CFAP100: variants seen among roughly 807,000 people sequenced by gnomAD.
CFAP100 encodes the protein cilia and flagella associated protein 100, also known as cilia- and flagella-associated protein 100.
A neutral mutation model predicts 81.5 loss-of-function variants in CFAP100; 70 were observed. The ratio of observed to expected loss-of-function variants is 0.86; its 90% CI spans 0.71 to 1.05. CFAP100 has a LOEUF of 1.05. Ranked by LOEUF, CFAP100 falls within the 50% of genes least tolerant of loss-of-function variation. The pLI is 0.00. For synonymous variants in CFAP100, 341 were observed against 314.8 expected (o/e 1.08, Z -0.88); for missense variants, 811 against 776.5 (o/e 1.04, Z -0.53).
intron 2 of CFAP100, among the ~76,000 whole-genome samples, chr3:126,400,357 AAAAAATACAAAC>A (rs2082953940): frequency 6.6e-6 from 1 of 152,204 alleles, no homozygotes; most frequent in Non-Finnish European, 1.5e-5. Flanking sequence ...GGCTACTATC[AAAAAATACAAAC>A]AAAAATAACA....
intron 2 of CFAP100, 84 bp from the exon 3 acceptor site, chr3:126,407,088 G>C: frequency 1.1e-6 from 1 of 905,718 alleles, no homozygotes; most frequent in Non-Finnish European, 1.8e-6. Context: ...GTGTGTCTGA[G>C]ACATTCCCCG....
intron 16 of CFAP100, among the ~76,000 whole-genome samples, chr3:126,436,026 C>T (rs1366363492): frequency 6.6e-6 from 1 of 152,222 alleles, no homozygotes; most frequent in Non-Finnish European, 1.5e-5. Flanking sequence ...CCCACCCTTC[C>T]TGCCTTCTGA....
At chr3:126,432,964 A>C in intron 13 of CFAP100, 105 bp from the exon 14 acceptor site, 1 of 1,357,798 alleles carries the variant, frequency 7.4e-7, no homozygotes, top group Non-Finnish European at 1.0e-6. Context: ...TTCAGCCCTC[A>C]GGACAGCTGG....
intron 15 of CFAP100, 42 bp downstream of exon 15, chr3:126,434,423 G>A (rs1263226742): frequency 6.3e-7 from 1 of 1,582,002 alleles, no homozygotes; most frequent in African/African-American, 1.3e-5. Context: ...TGTCCTGGCT[G>A]GCCCTGAGGG....
chr3:126,430,015 T>A (rs1322501889), intron 13 of CFAP100, among the ~76,000 whole-genome samples: 1 of 152,234 alleles, frequency 6.6e-6, no homozygotes, highest in African/African-American at 2.4e-5. Flanking sequence ...AGATTTCTGG[T>A]GAGAAATATA....
intron 4 of CFAP100, among the ~76,000 whole-genome samples, chr3:126,415,414 T>G (rs982418462): frequency 7.8e-6 from 1 of 128,996 alleles, no homozygotes; most frequent in African/African-American, 2.9e-5. Flanking sequence ...CATCCACCAC[T>G]CACAACCTCC....
intron 11 of CFAP100, among the ~76,000 whole-genome samples, chr3:126,421,567 C>T (rs1275621077): frequency 3.9e-5 from 6 of 152,128 alleles, no homozygotes; most frequent in Non-Finnish European, 4.4e-5. Flanking sequence ...CATCCCTGCC[C>T]GGGCCCTGTG....
chr3:126,407,273 C>A (rs1200161217), intron 3 of CFAP100, 21 bp downstream of exon 3: 4 of 1,594,178 alleles, frequency 2.5e-6, no homozygotes, highest in African/African-American at 2.7e-5. Flanking sequence ...AGCTGGGAGG[C>A]TAAAGTCCAA....
rs755426846 is a variant in CFAP100 at position 126,423,368 on chromosome 3, G to C, written c.1126G>C (p.Asp376His). 1.2e-6 allele frequency: 2 copies of C among 1,613,650 alleles called. No homozygotes were observed. The highest frequency in any genetic ancestry group is 8.5e-7 in the Non-Finnish European group (1 of 1,179,844). Reference sequence around the variant, plus strand: ...CCCCACGCAGGAGGACACCGACAGCGATGGGGAGGTGAATGGCCCAGTGCT... The same window carrying C: ...CCCCACGCAGGAGGACACCGACAGCCATGGGGAGGTGAATGGCCCAGTGCT... ...IPPTQEDTDS[D>H]GEEPQLYFTE... Residue 376 changes from aspartate (D) to histidine (H), a missense_variant, in exon 12 of 17, where the codon GAT (aspartate) becomes CAT (histidine). By Grantham distance (81) the Asp-to-His change is moderately conservative (BLOSUM62 -1). Transcript: ENST00000352312.
chr3:126,427,097 C>T (rs755089721), intron 13 of CFAP100, among the ~76,000 whole-genome samples: 1 of 152,190 alleles, frequency 6.6e-6, no homozygotes, highest in Non-Finnish European at 1.5e-5. Context: ...TCTATAACTT[C>T]AATGCAATCC....
Position 126,416,339 on chromosome 3 carries a change from G to A in CFAP100, c.249G>A (p.Met83Ile). 1 of 1,600,880 alleles carries A rather than the reference G, an allele frequency of 6.2e-7. No individual in the cohort carries two copies. Among genetic ancestry groups the A allele is most frequent in the Non-Finnish European group, 8.5e-7 (1 of 1,172,006 alleles). The change falls in exon 5 of 17, where the codon ATG becomes ATA. Residue 83 changes from methionine (M) to isoleucine (I), a missense_variant. Met to Ile is a conservative substitution (Grantham distance 10, BLOSUM62 1). Coordinates refer to ENST00000352312, the MANE Select transcript of CFAP100 (RefSeq NM_182628.3). The stretch of plus-strand genomic sequence containing the variant: ...AGGAACGGCAGCAGCAGAAGACGAT[G>A]CGGGTGCACCAGAAGATGACCTACT... ...ALSERQQQKT[M>I]RVHQKMTYSS...
Position 126,419,777 on chromosome 3 carries a change from C to A in CFAP100, c.872C>A (p.Ala291Asp). The A allele has an allele frequency of 6.2e-7, 1 of 1,614,006 alleles. No homozygotes were observed. Among genetic ancestry groups the A allele is most frequent in the Non-Finnish European group, 8.5e-7 (1 of 1,180,044 alleles). ...AAAAAGGCCAAGGAGGTCTCCGAGG[C>A]TTCCAAAGAGAGCAGTGTTAACTCC... ...FLKKAKEVSE[A>D]SKESSVNSTP... The change falls in exon 9 of 17, where the codon GCT (alanine) becomes GAT (aspartate). Residue 291 changes from alanine to aspartate, a missense_variant. Transcript: ENST00000352312.
chr3:126,432,828 T>G (rs1430180602), intron 13 of CFAP100: 2 of 388,150 alleles, frequency 5.2e-6, no homozygotes, highest in Admixed American at 4.2e-5. Context: ...TTATTGTCTG[T>G]GAATTATGCC....
chr3:126,423,362 G>T lies in CFAP100; in HGVS notation c.1120G>T (p.Asp374Tyr). 6.2e-7 allele frequency: 1 copy of T among 1,613,604 alleles called. No homozygotes were observed. The highest frequency in any genetic ancestry group is 8.5e-7 in the Non-Finnish European group (1 of 1,179,848). ...CATCCCCCCCACGCAGGAGGACACC[G>T]ACAGCGATGGGGAGGTGAATGGCCC... The part of the protein sequence containing the change: ...SPIPPTQEDT[D>Y]SDGEEPQLYF... The change falls in exon 12 of 17, where the codon GAC becomes TAC. Residue 374 changes from aspartate to tyrosine, a missense_variant. Physicochemically the swap from Asp to Tyr is radical, Grantham distance 160. Coordinates refer to ENST00000352312, the MANE Select transcript of CFAP100 (RefSeq NM_182628.3).
intron 10 of CFAP100, 39 bp downstream of exon 10, chr3:126,420,060 T>C (rs1234510556): frequency 6.2e-7 from 1 of 1,613,294 alleles, no homozygotes; most frequent in South Asian, 1.1e-5. Context: ...AGCCTGGCTC[T>C]GCCCTGCACA....
Position 126,435,624 on chromosome 3 carries a change from C to G in CFAP100, c.1694C>G (p.Ala565Gly), listed in dbSNP as rs373742550. The G allele has an allele frequency of 6.2e-6, 10 of 1,611,574 alleles. No homozygotes were observed. In the Admixed American group the frequency reaches 8.3e-5, roughly 13 times the overall value. The stretch of plus-strand genomic sequence containing the variant: ...GAGGAGCATCTGCAGCGGGCCCGGG[C>G]GCGCGCCCAGGCTGAGATCAAGAAG... Reference protein sequence around the residue: ...LQEEHLQRARARAQAEIKKKR... With the variant: ...LQEEHLQRARGRAQAEIKKKR... Residue 565 changes from alanine to glycine, a missense_variant, in exon 16 of 17, where the codon GCG becomes GGG. Physicochemically the swap from Ala to Gly is moderately conservative, Grantham distance 60. Transcript: ENST00000352312.
chr3:126,419,094 A>G lies in CFAP100; in HGVS notation c.669A>G (p.Lys223=), dbSNP rs1355264381. The G allele has an allele frequency of 6.3e-7, 1 of 1,587,502 alleles. No individual in the cohort carries two copies. Among genetic ancestry groups the G allele is most frequent in the East Asian group, 2.3e-5 (1 of 44,094 alleles). The change falls in exon 8 of 17, where the codon AAA becomes AAG. Residue 223 remains lysine (K), a synonymous_variant. Coordinates refer to ENST00000352312, the MANE Select transcript of CFAP100 (RefSeq NM_182628.3). ...QAMRAAEKET[K]AKIEKILEIR... is the part of the protein sequence containing the mutation. The stretch of plus-strand genomic sequence containing the variant: ...CCCCTAGGGCTGAGAAGGAGACCAA[A>G]GCCAAGATAGAGAAGATCCTTGAGA...
chr3:126,418,331 C>T (rs1252355121), intron 5 of CFAP100, 127 bp from the exon 6 acceptor site: 24 of 747,286 alleles, frequency 3.2e-5, no homozygotes, highest in South Asian at 3.0e-4. Flanking sequence ...TCCATGGTCC[C>T]GGTAGTCACC....
chr3:126,416,385 C>T lies in CFAP100; in HGVS notation c.295C>T (p.His99Tyr). The change falls in exon 5 of 17, where the codon CAC (histidine) becomes TAC (tyrosine). Residue 99 changes from histidine to tyrosine, a missense_variant. By Grantham distance (83) the His-to-Tyr change is moderately conservative. Coordinates refer to ENST00000352312, the MANE Select transcript of CFAP100 (RefSeq NM_182628.3). The part of the protein sequence containing the change: ...MTYSSKVSAK[H>Y]TSLRRQLQLE... ...CTACTCCTCGAAAGTGTCGGCTAAG[C>T]ACACCAGCCTGCGGCGGCAGCTGCA... 1 of 1,612,000 alleles carries T rather than the reference C, an allele frequency of 6.2e-7. No homozygotes were observed. The highest frequency in any genetic ancestry group is 1.3e-5 in the African/African-American group (1 of 75,010).
Sources: gnomAD v4.1 joint callset for allele counts (sites outside exome capture counted in the v4.1 genomes callset) on GRCh38, gnomAD v4.1.1 for gene constraint, MANE v1.5 for transcripts, NCBI Gene and HGNC (gene_info 2026-07-23, HGNC 2026-07-21) for gene names.